The following MMS19 variants were observed in gnomAD, a reference collection of about 807,000 sequenced individuals.
MMS19 encodes the protein MMS19 nucleotide excision repair protein homolog.
MMS19 carries 77 observed loss-of-function variants against 129.8 expected under a neutral mutation model. The ratio of observed to expected loss-of-function variants is 0.59; its 90% CI spans 0.49 to 0.72. The LOEUF is 0.72. Ranked by LOEUF, MMS19 falls within the 30% of genes least tolerant of loss-of-function variation. The probability of loss-of-function intolerance (pLI) is 0.00; values close to 1 mark genes in which losing one functional copy is unlikely to be tolerated. For missense variants in MMS19, 1,168 were observed against 1,266.3 expected (o/e 0.92, Z 1.18); for synonymous variants, 491 against 502.8 (o/e 0.98, Z 0.31).
chr10:97,498,164 C>T (rs2040147016), intron 1 of MMS19, 109 bp downstream of exon 1: 1 of 1,042,208 alleles, frequency 9.6e-7, no homozygotes, highest in Non-Finnish European at 1.4e-6. Context: ...AGCCTTGAGA[C>T]CAATCTCTCA....
Position 97,467,656 on chromosome 10 carries a change from G to A in MMS19, c.1219-73C>T, listed in dbSNP as rs576392242. On this transcript the variant is annotated intron_variant, in intron 13 of 30. Transcript: ENST00000438925. Reference sequence around the variant, plus strand: ...TTCAATCCTGCTACTCTGGATATAGGGAAAATTCTTTCTTTCTTCCAAGAG... The same window carrying A: ...TTCAATCCTGCTACTCTGGATATAGAGAAAATTCTTTCTTTCTTCCAAGAG... The A allele has an allele frequency of 1.6e-4, 232 of 1,409,080 alleles. 1 individual carries two copies. Among genetic ancestry groups the A allele is most frequent in the South Asian group, 1.3e-3 (107 of 82,886 alleles). 87.3% of individuals were successfully genotyped at this position (1,409,080 alleles called of 1,614,324 possible). A position where few individuals can be genotyped will look rare whatever the true frequency, so the allele number is the denominator to read the frequency against.
At chr10:97,483,596 C>T (rs1037421910) in intron 2 of MMS19, among the ~76,000 whole-genome samples, 2 of 152,236 alleles carry the variant, frequency 1.3e-5, no homozygotes, top group African/African-American at 4.8e-5. Flanking sequence ...AGACTACAAG[C>T]ACGTACTTCC....
chr10:97,470,672 C>T, intron 9 of MMS19, 103 bp downstream of exon 9: 1 of 702,724 alleles, frequency 1.4e-6, no homozygotes. Context: ...GGTGTCATGC[C>T]CTAAAATGTA....
At chr10:97,459,164 G>A in intron 29 of MMS19, 59 bp downstream of exon 29, 1 of 1,538,324 alleles carries the variant, frequency 6.5e-7, no homozygotes. Context: ...AAGGCAAAAA[G>A]GTACTTATGT....
intron 1 of MMS19, among the ~76,000 whole-genome samples, chr10:97,486,076 G>A (rs187967112): frequency 6.6e-6 from 1 of 152,328 alleles, no homozygotes; most frequent in Non-Finnish European, 1.5e-5. Context: ...AGCAACCTAA[G>A]TGTCAACAGA....
chr10:97,478,982 G>A (rs1235299439), intron 3 of MMS19, among the ~76,000 whole-genome samples: 2 of 152,142 alleles, frequency 1.3e-5, no homozygotes, highest in African/African-American at 4.8e-5. Flanking sequence ...GGGAGGCTGA[G>A]GTGGGACGAT....
At chr10:97,459,607 T>TG in intron 27 of MMS19, 52 bp downstream of exon 27, 1 of 1,599,236 alleles carries the variant, frequency 6.3e-7, no homozygotes, top group Non-Finnish European at 8.5e-7. Flanking sequence ...TAGCCCCATC[T>TG]GGGGAAGAAT....
At chr10:97,463,163 G>GTTTTTTT (rs11369236) in intron 19 of MMS19, among the ~76,000 whole-genome samples, 7 of 129,232 alleles carry the variant, frequency 5.4e-5, no homozygotes, top group Non-Finnish European at 8.2e-5. Flanking sequence ...CTGTGAAACA[G>GTTTTTTT]TTTTTTTTTT....
In MMS19 at chr10:97,467,665, T is replaced by G. The variant is rs1029371001; in HGVS notation, c.1219-82A>C. The G allele has an allele frequency of 1.4e-5, 19 of 1,347,012 alleles. No individual in the cohort carries two copies. In the African/African-American group the frequency reaches 2.0e-4, roughly 14 times the overall value. The allele number at this position is 1,347,012 out of a possible 1,614,324, so 83.4% of individuals were successfully genotyped here. A position where few individuals can be genotyped will look rare whatever the true frequency, so the allele number is the denominator to read the frequency against. Reference sequence around the variant, plus strand: ...GCTACTCTGGATATAGGGAAAATTCTTTCTTTCTTCCAAGAGATGGGGGTT... The same window carrying G: ...GCTACTCTGGATATAGGGAAAATTCGTTCTTTCTTCCAAGAGATGGGGGTT... On this transcript the variant is annotated intron_variant, in intron 13 of 30. Transcript: ENST00000438925.
chr10:97,462,126 G>A lies in MMS19; in HGVS notation c.2013-7C>T. 6.4e-7 allele frequency: 1 copy of A among 1,560,788 alleles called. No individual in the cohort carries two copies. The highest frequency in any genetic ancestry group is 8.7e-7 in the Non-Finnish European group (1 of 1,149,566). ...CACACTCTGGGCAGCTAACCTGGGG[G>A]CAGAGTACTAGGTATGACCAAGGAG... On this transcript the variant is annotated splice_polypyrimidine_tract_variant and splice_region_variant and intron_variant, in intron 20 of 30. Coordinates refer to ENST00000438925, the MANE Select transcript of MMS19 (RefSeq NM_022362.5).
At chr10:97,477,773 G>C in intron 5 of MMS19, 82 bp downstream of exon 5, 1 of 933,738 alleles carries the variant, frequency 1.1e-6, no homozygotes. Flanking sequence ...GAACTTAGAA[G>C]GCAATAATTT....
At chr10:97,463,387 G>A (rs1021049658) in intron 19 of MMS19, among the ~76,000 whole-genome samples, 1 of 152,222 alleles carries the variant, frequency 6.6e-6, no homozygotes, top group Middle Eastern at 3.4e-3. Flanking sequence ...TCAAACTCCT[G>A]GACTCAAGTG....
At chr10:97,459,549 G>A in intron 27 of MMS19, 23 bp from the exon 28 acceptor site, 1 of 1,608,404 alleles carries the variant, frequency 6.2e-7, no homozygotes, top group Non-Finnish European at 8.5e-7. Context: ...GGGCAAGGTA[G>A]GGGATGGCCA....
chr10:97,468,157 C>A (rs927044460), intron 13 of MMS19, 95 bp downstream of exon 13: 2 of 1,292,246 alleles, frequency 1.5e-6, no homozygotes, highest in Non-Finnish European at 2.1e-6. Flanking sequence ...CCAAGGTCTA[C>A]TATGTTGGCC....
intron 1 of MMS19, among the ~76,000 whole-genome samples, chr10:97,497,516 TTAG>T (rs2040014473): frequency 6.8e-6 from 1 of 146,122 alleles, no homozygotes; most frequent in African/African-American, 2.5e-5. Flanking sequence ...CAATAACTTT[TTAG>T]TAGTTTTTTT....
At chr10:97,467,051 T>G (rs1439668798) in intron 14 of MMS19, 150 bp from the exon 15 acceptor site, 41 of 817,508 alleles carry the variant, frequency 5.0e-5, no homozygotes, top group Non-Finnish European at 9.5e-6. Flanking sequence ...TAATCTCGGA[T>G]CACTGCAGCC....
intron 8 of MMS19, 115 bp from the exon 9 acceptor site, chr10:97,470,976 T>G: frequency 1.5e-6 from 1 of 656,222 alleles, no homozygotes; most frequent in Non-Finnish European, 2.4e-6. Flanking sequence ...TCAGGGAAGA[T>G]AGTAAGATAA....
At chr10:97,486,460 C>T (rs1285299760) in intron 1 of MMS19, among the ~76,000 whole-genome samples, 5 of 152,154 alleles carry the variant, frequency 3.3e-5, no homozygotes, top group African/African-American at 7.2e-5. Context: ...GGATTGCAGG[C>T]GTGAGCCACT....
chr10:97,467,652 A>G (rs963449988), intron 13 of MMS19, 69 bp from the exon 14 acceptor site: 3 of 1,428,256 alleles, frequency 2.1e-6, no homozygotes, highest in African/African-American at 2.8e-5. Context: ...TACTCTGGAT[A>G]TAGGGAAAAT....
Sources: allele counts gnomAD v4.1 joint callset (sites outside exome capture counted in the v4.1 genomes callset), GRCh38; gene constraint gnomAD v4.1.1; transcripts MANE v1.5; gene names NCBI Gene and HGNC (gene_info 2026-07-23, HGNC 2026-07-21).